The following HR variants were observed in gnomAD, a reference collection of about 807,000 sequenced individuals.
The protein encoded by HR is lysine-specific demethylase hairless.
Under a neutral mutation model 128.6 loss-of-function variants are expected in HR, and 83 were observed. The observed-to-expected ratio is 0.65, with a 90% confidence interval of 0.54 to 0.77. The LOEUF (loss-of-function observed/expected upper bound fraction) is 0.77, where lower values mean the gene tolerates loss of function less well. HR is among the 30% of genes least tolerant of loss of function. The pLI, the probability that HR is intolerant of heterozygous loss-of-function variation, is 0.00. For synonymous variants in HR, 681 were observed against 658.2 expected (o/e 1.03, Z -0.53); for missense variants, 1,490 against 1,574.6 (o/e 0.95, Z 0.91).
intron 16 of HR, chr8:22,118,251 TG>T (rs1287212767): frequency 6.5e-6 from 1 of 152,840 alleles, no homozygotes; most frequent in Non-Finnish European, 1.5e-5. Context: ...CAGCTGGACT[TG>T]GGAACCACGG....
At chr8:22,128,314 T>C in intron 2 of HR, 1 of 606,474 alleles carries the variant, frequency 1.6e-6, no homozygotes, top group Non-Finnish European at 2.9e-6. Context: ...GACCTTATCC[T>C]AGGCAGACAA....
Position 22,121,110 on chromosome 8 carries a change from C to T in HR, c.2322G>A (p.Glu774=), listed in dbSNP as rs1252263595. The part of the protein sequence containing the change: ...STAVKLCLGH[E]RIHMAFAPVT... ...CGGGGGCGAAGGCCATGTGTATTCG[C>T]TCATGGCCCAAGCAGAGTTTGACCG... Residue 774 remains glutamate, a synonymous_variant, in exon 10 of 19, where the codon GAG becomes GAA. Transcript: ENST00000381418. 6.2e-7 allele frequency: 1 copy of T among 1,613,870 alleles called. No individual in the cohort carries two copies. Among genetic ancestry groups the T allele is most frequent in the Non-Finnish European group, 8.5e-7 (1 of 1,180,040 alleles).
chr8:22,123,526 A>G, intron 6 of HR, 123 bp downstream of exon 6: 2 of 919,186 alleles, frequency 2.2e-6, no homozygotes, highest in South Asian at 1.6e-5. Context: ...ATGGTGGCTG[A>G]GGCTGGGGCT....
At chr8:22,123,617 T>TCTGCCCC in intron 6 of HR, 32 bp downstream of exon 6, 1 of 292,092 alleles carries the variant, frequency 3.4e-6, no homozygotes, top group Non-Finnish European at 6.2e-6. Context: ...GAGGGCTCCA[T>TCTGCCCC]CCCGCCCTCC....
chr8:22,118,979 C>A lies in HR; in HGVS notation c.3184G>T (p.Ala1062Ser), dbSNP rs758392115. 1.2e-6 allele frequency: 2 copies of A among 1,612,182 alleles called. No homozygotes were observed. Among genetic ancestry groups the A allele is most frequent in the South Asian group, 2.2e-5 (2 of 91,052 alleles). ...TVWHVFRAQD[A>S]QRIRRFLQMV... ...TGGAGAAAGCGGCGGATGCGCTGGG[C>A]GTCCTGTGCCCGGAACACGTGCCAC... The change falls in exon 16 of 19, where the codon GCC becomes TCC. Residue 1062 changes from alanine (A) to serine (S), a missense_variant. Transcript: ENST00000381418.
chr8:22,121,177 G>A lies in HR; in HGVS notation c.2255C>T (p.Pro752Leu), dbSNP rs1351841481. ...TPAEDRAGRG[P>L]LPCPSLCELL... ...TTCGCAGAGAGAAGGACAAGGCAGGGGCCCTCGGCCAGCACGGTCCTCTGC... is the reference window on the plus strand; with the variant it reads ...TTCGCAGAGAGAAGGACAAGGCAGGAGCCCTCGGCCAGCACGGTCCTCTGC... The change falls in exon 10 of 19, where the codon CCC (proline) becomes CTC (leucine). Residue 752 changes from proline (P) to leucine (L), a missense_variant. Coordinates refer to ENST00000381418, the MANE Select transcript of HR (RefSeq NM_005144.5). 5.6e-6 allele frequency: 9 copies of A among 1,613,848 alleles called. No homozygotes were observed. The highest frequency in any genetic ancestry group is 7.6e-6 in the Non-Finnish European group (9 of 1,180,042).
chr8:22,121,509 G>C (rs1217200252), intron 9 of HR, 104 bp downstream of exon 9: 2 of 1,186,868 alleles, frequency 1.7e-6, no homozygotes, highest in African/African-American at 1.5e-5. Flanking sequence ...GGGTGGGGGG[G>C]AGTTGCTAAA....
rs1232610408 is a variant in HR at position 22,125,652 on chromosome 8, G to A, written c.1486C>T (p.Gln496Ter). ...GCTGCCTGGGCACAACTTTGGCATT[G>A]AGCCAGTTTTGCAGGGAGAGCCAGG... is the stretch of plus-strand genomic sequence containing the variant. ...PCLALPAKLA[Q>*]CQSCAQAAGE... The change falls in exon 4 of 19, where the codon CAA (glutamine) becomes TAA (stop). Residue 496 changes from glutamine (Q) to a stop codon, truncating the protein, a stop_gained. Coordinates refer to ENST00000381418, the MANE Select transcript of HR (RefSeq NM_005144.5). LOFTEE classifies it high-confidence loss of function. 3 of 1,613,110 alleles carry A rather than the reference G, an allele frequency of 1.9e-6. No homozygotes were observed. Among genetic ancestry groups the A allele is most frequent in the Non-Finnish European group, 2.5e-6 (3 of 1,179,750 alleles).
chr8:22,117,096 A>C, intron 16 of HR, 57 bp from the exon 17 acceptor site: 2 of 1,431,448 alleles, frequency 1.4e-6, no homozygotes, highest in Non-Finnish European at 1.8e-6. Context: ...GGGCTGCAGG[A>C]GGATGGGGCA....
At position 22,125,752 on chromosome 8, in the gene HR, G is replaced by A. The variant is rs78396061; in HGVS notation, c.1406-20C>T. ...GGGGTCCTGAGGGGACAATGCAGAG[G>A]TCAGGAATCTGGGTTTCTTGGGCTG... On this transcript the variant is annotated intron_variant, in intron 3 of 18. Coordinates refer to ENST00000381418, the MANE Select transcript of HR (RefSeq NM_005144.5). The A allele has an allele frequency of 0.014, 21,804 of 1,612,986 alleles. 184 individuals carry two copies. Among genetic ancestry groups the A allele is most frequent in the Non-Finnish European group, 0.017 (19,911 of 1,179,834 alleles).
chr8:22,125,808 ACC>A, intron 3 of HR, 76 bp from the exon 4 acceptor site: 6 of 1,477,676 alleles, frequency 4.1e-6, no homozygotes, highest in South Asian at 1.3e-5. Context: ...CTTAGCGCCC[ACC>A]CCATCCACAC....
Sources: allele counts gnomAD v4.1 joint callset, GRCh38; gene constraint gnomAD v4.1.1; transcripts MANE v1.5; gene names NCBI Gene and HGNC (gene_info 2026-07-23, HGNC 2026-07-21).